SCAMP1: variants seen among roughly 807,000 people sequenced by gnomAD.
SCAMP1 encodes secretory carrier-associated membrane protein 1.
A neutral mutation model predicts 41.8 loss-of-function variants in SCAMP1; 15 were observed. That is an observed-to-expected ratio of 0.36 (90% CI 0.24 to 0.55). The LOEUF is 0.55. Among genes scored for constraint, SCAMP1 ranks in the 20% least tolerant of loss-of-function variants. The pLI, the probability that SCAMP1 is intolerant of heterozygous loss-of-function variation, is 0.86. For synonymous variants in SCAMP1, 135 were observed against 136.8 expected (o/e 0.99, Z 0.09); for missense variants, 341 against 412.6 (o/e 0.83, Z 1.50).
At position 78,414,103 on chromosome 5, in the gene SCAMP1, C is replaced by T. The variant is rs962851979; in HGVS notation, c.136-1417C>T. Among the ~76,000 whole-genome samples, 6 of 150,912 alleles carry T rather than the reference C, an allele frequency of 4.0e-5. No homozygotes were observed. In the East Asian group the frequency reaches 5.8e-4, roughly 15 times the overall value. ...TTAAAGTAGTATATGGTGCATGTGT[C>T]GAGGGAAGCAAATAATACAGAGGCA... On this transcript the variant is annotated intron_variant, in intron 2 of 8. Transcript: ENST00000621999.
chr5:78,384,320 G>T (rs1751289178), intron 1 of SCAMP1, among the ~76,000 whole-genome samples: 1 of 151,790 alleles, frequency 6.6e-6, no homozygotes, highest in South Asian at 2.1e-4. Context: ...CTGAAACTTT[G>T]CTGAATTCAT....
intron 7 of SCAMP1, among the ~76,000 whole-genome samples, chr5:78,455,339 C>G (rs1245750876): frequency 7.6e-6 from 1 of 131,506 alleles, no homozygotes; most frequent in Non-Finnish European, 1.6e-5. Context: ...AAATTTCCCT[C>G]TACACACTGC....
At chr5:78,470,635 G>GT (rs1753863911) in intron 8 of SCAMP1, among the ~76,000 whole-genome samples, 1 of 152,078 alleles carries the variant, frequency 6.6e-6, no homozygotes, top group African/African-American at 2.4e-5. Flanking sequence ...ACAGTTATCT[G>GT]TTTGAGTCTT....
intron 8 of SCAMP1, among the ~76,000 whole-genome samples, chr5:78,468,403 G>A (rs1753795983): frequency 6.6e-6 from 1 of 152,258 alleles, no homozygotes; most frequent in African/African-American, 2.4e-5. Flanking sequence ...CAAGCAGGGA[G>A]TTGTTATAAA....
At chr5:78,406,678 T>A (rs1751943381) in intron 2 of SCAMP1, among the ~76,000 whole-genome samples, 1 of 152,260 alleles carries the variant, frequency 6.6e-6, no homozygotes, top group Admixed American at 6.5e-5. Context: ...ATAATTTTTA[T>A]CTGTTTGTCC....
chr5:78,460,064 A>G (rs901766212), intron 8 of SCAMP1, among the ~76,000 whole-genome samples: 9 of 152,208 alleles, frequency 5.9e-5, no homozygotes, highest in Non-Finnish European at 1.2e-4. Context: ...AGCTGCATCT[A>G]TGTTGCTACG....
chr5:78,420,004 T>C (rs578073271), intron 5 of SCAMP1, among the ~76,000 whole-genome samples: 24 of 152,286 alleles, frequency 1.6e-4, no homozygotes, highest in Non-Finnish European at 3.1e-4. Context: ...ATATAATATA[T>C]GCATTTATAT....
intron 6 of SCAMP1, among the ~76,000 whole-genome samples, chr5:78,424,810 A>G (rs942109880): frequency 3.3e-5 from 5 of 152,236 alleles, no homozygotes; most frequent in African/African-American, 1.2e-4. Context: ...AAATACATCA[A>G]AATATTAGGT....
At chr5:78,427,549 C>G (rs1405936960) in intron 6 of SCAMP1, among the ~76,000 whole-genome samples, 1 of 152,080 alleles carries the variant, frequency 6.6e-6, no homozygotes, top group African/African-American at 2.4e-5. Context: ...AACAATATTC[C>G]TAGGAGTAGC....
Position 78,416,555 on chromosome 5 carries a change from C to T in SCAMP1, c.249C>T (p.Ala83=). ...TTTTTATTTAGGAACATGCATTGGC[C>T]CAAGCTGAACTTCTTAAGCGCCAGG... is the stretch of plus-strand genomic sequence containing the variant. ...YTQIAKEHAL[A]QAELLKRQEE... The change falls in exon 4 of 9, where the codon GCC becomes GCT. Residue 83 remains alanine (A), a synonymous_variant. Coordinates refer to ENST00000621999, the MANE Select transcript of SCAMP1 (RefSeq NM_004866.6). 1 of 1,595,224 alleles carries T rather than the reference C, an allele frequency of 6.3e-7. No homozygotes were observed.
chr5:78,413,569 C>G (rs987046652), intron 2 of SCAMP1, among the ~76,000 whole-genome samples: 1 of 152,054 alleles, frequency 6.6e-6, no homozygotes, highest in Non-Finnish European at 1.5e-5. Flanking sequence ...AGGTGCACAC[C>G]ACCATGCCTG....
At chr5:78,425,929 A>G (rs1448574227) in intron 6 of SCAMP1, among the ~76,000 whole-genome samples, 3 of 151,500 alleles carry the variant, frequency 2.0e-5, no homozygotes, top group Non-Finnish European at 2.9e-5. Context: ...TATTTGTCCT[A>G]ATGCCCTCCC....
chr5:78,475,491 T>C lies in SCAMP1; in HGVS notation c.853-13T>C, dbSNP rs771098242. On this transcript the variant is annotated splice_polypyrimidine_tract_variant and intron_variant, in intron 8 of 8. Transcript: ENST00000621999. ...TGCTACTTACCTTCTCCCACTTTTT[T>C]GTGCCTCTGTAGGTACATGGACTAT... 9 of 1,551,676 alleles carry C rather than the reference T, an allele frequency of 5.8e-6. No individual in the cohort carries two copies. In the African/African-American group the frequency reaches 9.7e-5, roughly 17 times the overall value.
At chr5:78,384,950 G>T (rs1018379908) in intron 1 of SCAMP1, among the ~76,000 whole-genome samples, 4 of 152,040 alleles carry the variant, frequency 2.6e-5, no homozygotes, top group African/African-American at 9.7e-5. Context: ...TGGTATTAGG[G>T]TGATACTGGC....
intron 6 of SCAMP1, among the ~76,000 whole-genome samples, chr5:78,424,602 G>A (rs1030540450): frequency 6.6e-6 from 1 of 152,028 alleles, no homozygotes; most frequent in African/African-American, 2.4e-5. Context: ...ATCGTGGCAT[G>A]TTTCTGTAAT....
intron 8 of SCAMP1, 144 bp downstream of exon 8, chr5:78,459,506 A>C: frequency 1.8e-6 from 1 of 564,026 alleles, no homozygotes; most frequent in Non-Finnish European, 3.1e-6. Context: ...TTTTACAATT[A>C]AAAGTTATGC....
At chr5:78,396,352 G>A (rs1414508228) in intron 2 of SCAMP1, among the ~76,000 whole-genome samples, 4 of 152,194 alleles carry the variant, frequency 2.6e-5, no homozygotes, top group Admixed American at 2.0e-4. Context: ...TGTTGGGACA[G>A]GGATATATGG....
In SCAMP1 at chr5:78,480,145, G is replaced by A. The variant is rs1754107922; in HGVS notation, c.*4477G>A. Among the ~76,000 whole-genome samples the A allele has an allele frequency of 6.6e-6, 1 of 152,014 alleles. No individual in the cohort carries two copies. Among genetic ancestry groups the A allele is most frequent in the South Asian group, 2.1e-4 (1 of 4,822 alleles). On this transcript the variant is annotated 3_prime_UTR_variant, in exon 9 of 9. Coordinates refer to ENST00000621999, the MANE Select transcript of SCAMP1 (RefSeq NM_004866.6). ...GGCAATGTAGTGAGTGTTAAACTTT[G>A]TGTTTGTCCAAATCCTGATTTATTT...
intron 1 of SCAMP1, among the ~76,000 whole-genome samples, chr5:78,363,709 C>T (rs773055590): frequency 6.6e-6 from 1 of 152,032 alleles, no homozygotes; most frequent in South Asian, 2.1e-4. Flanking sequence ...TCGTTTGTGC[C>T]GTATCATGAA....
Sources: allele counts gnomAD v4.1 joint callset (sites outside exome capture counted in the v4.1 genomes callset), GRCh38; gene constraint gnomAD v4.1.1; transcripts MANE v1.5; gene names NCBI Gene and HGNC (gene_info 2026-07-23, HGNC 2026-07-21).